COBL: variants seen among roughly 807,000 people sequenced by gnomAD.
The protein encoded by COBL is protein cordon-bleu.
In COBL, 51 loss-of-function variants were observed where a neutral mutation model predicts 98.8. The observed-to-expected ratio is 0.52, with a 90% CI of 0.41 to 0.65. The LOEUF (loss-of-function observed/expected upper bound fraction) is 0.65, where lower values mean the gene tolerates loss of function less well. COBL is among the 30% of genes least tolerant of loss of function. COBL has a pLI of 0.00. For missense variants in COBL, 1,617 were observed against 1,617.5 expected, an observed-to-expected ratio of 1.00 and a Z score of 0.01; for synonymous variants, 634 against 651.7, an observed-to-expected ratio of 0.97 and a Z score of 0.41.
At chr7:51,237,849 G>A (rs1017697226) in intron 1 of COBL, among the ~76,000 whole-genome samples, 1 of 152,228 alleles carries the variant, frequency 6.6e-6, no homozygotes, top group African/African-American at 2.4e-5. Context: ...GGGTGTGACA[G>A]GATTTCTGTT....
intron 6 of COBL, among the ~76,000 whole-genome samples, chr7:51,102,962 A>AT (rs1795938738): frequency 6.6e-6 from 1 of 152,222 alleles, no homozygotes; most frequent in Non-Finnish European, 1.5e-5. Context: ...ATGCAGGATG[A>AT]ATAAGCTCTA....
At chr7:51,091,149 G>T (rs1794777310) in intron 6 of COBL, among the ~76,000 whole-genome samples, 1 of 152,034 alleles carries the variant, frequency 6.6e-6, no homozygotes, top group South Asian at 2.1e-4. Flanking sequence ...TGAAGAAACA[G>T]GGAAACATGG....
rs200754114 is a variant in COBL at position 51,017,607 on chromosome 7, A to G, written c.3769-39T>C. The stretch of plus-strand genomic sequence containing the variant: ...AGATTCACAGTTATTTGGTATGTCA[A>G]TAAGCCCAGGATGCAGATCTTCTGG... On this transcript the variant is annotated intron_variant, in intron 12 of 12. Transcript: ENST00000265136. The G allele has an allele frequency of 2.0e-5, 32 of 1,611,068 alleles. No individual in the cohort carries two copies. The African/African-American group carries it at 2.7e-4, about 13-fold the overall frequency.
At chr7:51,220,905 T>G (rs1176364193) in intron 1 of COBL, among the ~76,000 whole-genome samples, 1 of 152,210 alleles carries the variant, frequency 6.6e-6, no homozygotes, top group African/African-American at 2.4e-5. Flanking sequence ...CCTTATTTTA[T>G]ACATAGAATA....
intron 12 of COBL, among the ~76,000 whole-genome samples, chr7:51,018,929 T>A (rs1253318885): frequency 0.03 from 1,779 of 60,176 alleles, 325 homozygotes; most frequent in African/African-American, 0.071. Context: ...TATATATATA[T>A]ATATATATAT....
At chr7:51,265,085 C>T (rs980762456) in intron 1 of COBL, among the ~76,000 whole-genome samples, 1 of 152,134 alleles carries the variant, frequency 6.6e-6, no homozygotes, top group Non-Finnish European at 1.5e-5. Flanking sequence ...CGACAACCAG[C>T]GGCAGCACTT....
chr7:51,210,074 G>A (rs941293285), intron 2 of COBL, among the ~76,000 whole-genome samples: 1 of 152,116 alleles, frequency 6.6e-6, no homozygotes. Flanking sequence ...ATAAATAATT[G>A]AGTGCCCAAA....
chr7:51,030,697 C>T (rs539526644), intron 9 of COBL, 115 bp downstream of exon 9: 2 of 709,530 alleles, frequency 2.8e-6, no homozygotes, highest in East Asian at 5.1e-5. Flanking sequence ...ACCTGGAATT[C>T]CTTCTGAAGG....
chr7:51,237,433 A>T (rs1163103666), intron 1 of COBL, among the ~76,000 whole-genome samples: 3 of 152,152 alleles, frequency 2.0e-5, no homozygotes, highest in African/African-American at 7.2e-5. Context: ...AAATGACAAT[A>T]ATATTGAAAA....
intron 7 of COBL, among the ~76,000 whole-genome samples, chr7:51,053,507 A>G (rs541810495): frequency 2.3e-4 from 35 of 152,374 alleles, no homozygotes; most frequent in Middle Eastern, 3.4e-3. Context: ...ATCAACGTTT[A>G]GTGTGCAATA....
chr7:51,178,734 G>A lies in COBL; in HGVS notation c.783+5368C>T, dbSNP rs1054792933. Among the ~76,000 whole-genome samples the A allele has an allele frequency of 1.1e-4, 16 of 152,040 alleles. 1 individual carries two copies. The highest frequency in any genetic ancestry group is 5.8e-4 in the East Asian group (3 of 5,146). On this transcript the variant is annotated intron_variant, in intron 5 of 12. Transcript: ENST00000265136. Reference sequence around the variant, plus strand: ...ACCTAGTCTCCTGCCTCAGTTTCCCGAGTAGCTGGGAATACAGGTGCCTGC... The same window carrying A: ...ACCTAGTCTCCTGCCTCAGTTTCCCAAGTAGCTGGGAATACAGGTGCCTGC...
At position 51,302,581 on chromosome 7, in the gene COBL, C is replaced by CAA. The variant is rs397888990; in HGVS notation, c.41+14010_41+14011dup. On this transcript the variant is annotated intron_variant, in intron 1 of 12. Transcript: ENST00000265136. ...GGGCAACAAGAGCGAAACTCCGTCT[C>CAA]AAAAAAAAAAAAAAAAAAAGATTCA... 1.5e-3 allele frequency among the ~76,000 whole-genome samples: 100 copies of CAA among 66,500 alleles called. 1 individual carries two copies. The highest frequency in any genetic ancestry group is 2.1e-3 in the African/African-American group (40 of 19,092). The allele number at this position is 66,500 out of a possible 152,430, so 43.6% of individuals were successfully genotyped here.
In COBL at chr7:51,085,154, A is replaced by C; in HGVS notation, c.1096+12T>G. The C allele has an allele frequency of 6.2e-7, 1 of 1,613,682 alleles. No homozygotes were observed. Among genetic ancestry groups the C allele is most frequent in the Non-Finnish European group, 8.5e-7 (1 of 1,179,914 alleles). On this transcript the variant is annotated intron_variant, in intron 7 of 12. Coordinates refer to ENST00000265136, the MANE Select transcript of COBL (RefSeq NM_015198.5). ...ATCCCCGCATGCAGACGGCAGGCCG[A>C]GCCTCACTCACCCATCGTGCTCTTC... is the stretch of plus-strand genomic sequence containing the variant.
At chr7:51,153,440 T>A (rs1785773129) in intron 5 of COBL, among the ~76,000 whole-genome samples, 2 of 152,242 alleles carry the variant, frequency 1.3e-5, no homozygotes, top group African/African-American at 4.8e-5. Flanking sequence ...AATGTAATCA[T>A]TCCTAATGCA....
At chr7:51,044,831 C>T (rs191083579) in intron 7 of COBL, among the ~76,000 whole-genome samples, 327 of 152,316 alleles carry the variant, frequency 2.1e-3, no homozygotes, top group African/African-American at 7.6e-3. Flanking sequence ...AGACTAACAA[C>T]TTATCACCAC....
At chr7:51,307,926 G>A (rs113166460) in intron 1 of COBL, among the ~76,000 whole-genome samples, 12,128 of 152,252 alleles carry the variant, frequency 0.08, 749 homozygotes, top group Non-Finnish European at 0.1. Flanking sequence ...CTCTTCCTAC[G>A]TGTGATGTTG....
intron 5 of COBL, among the ~76,000 whole-genome samples, chr7:51,145,123 T>G (rs1784900532): frequency 6.6e-6 from 1 of 151,680 alleles, no homozygotes; most frequent in Admixed American, 6.6e-5. Flanking sequence ...CAAGCGATTC[T>G]CCTGCCTCAG....
chr7:51,287,040 C>T (rs556547538), intron 1 of COBL, among the ~76,000 whole-genome samples: 2 of 152,230 alleles, frequency 1.3e-5, no homozygotes, highest in African/African-American at 4.8e-5. Context: ...TTGTTACTTA[C>T]AAGCGGGAGC....
chr7:51,313,443 A>T (rs1396565686), intron 1 of COBL, among the ~76,000 whole-genome samples: 1 of 152,208 alleles, frequency 6.6e-6, no homozygotes, highest in African/African-American at 2.4e-5. Context: ...AATAAATATA[A>T]ATTTATGCAA....
Sources: allele counts gnomAD v4.1 joint callset (sites outside exome capture counted in the v4.1 genomes callset), GRCh38; gene constraint gnomAD v4.1.1; transcripts MANE v1.5; gene names NCBI Gene and HGNC (gene_info 2026-07-23, HGNC 2026-07-21).